Variants in ARSG observed in about 807,000 individuals in gnomAD.
ARSG encodes ASG.
Under a neutral mutation model 50.5 loss-of-function variants are expected in ARSG, and 37 were observed. The ratio of observed to expected loss-of-function variants is 0.73; its 90% CI spans 0.56 to 0.96. ARSG has a LOEUF of 0.96. Among genes scored for constraint, ARSG ranks in the 50% least tolerant of loss-of-function variants. The probability of loss-of-function intolerance (pLI) is 0.00; values close to 1 mark genes in which losing one functional copy is unlikely to be tolerated. For synonymous variants in ARSG, 225 were observed against 254.6 expected, an observed-to-expected ratio of 0.88 and a Z score of 1.11; for missense variants, 629 against 675.3, an observed-to-expected ratio of 0.93 and a Z score of 0.76.
intron 1 of ARSG, among the ~76,000 whole-genome samples, chr17:68,302,580 C>A (rs1219814903): frequency 6.6e-6 from 1 of 152,094 alleles, no homozygotes; most frequent in Non-Finnish European, 1.5e-5. Context: ...GCTTCTGGCC[C>A]ACAGCCTGCC....
intron 8 of ARSG, chr17:68,379,873 G>A (rs2080345670): frequency 2.0e-6 from 2 of 985,208 alleles, no homozygotes; most frequent in Non-Finnish European, 1.2e-6. Context: ...TCTCTGGCAG[G>A]CATTATGCAA....
At chr17:68,291,282 A>T (rs538361672), upstream of ARSG, 4 of 136,358 alleles carry the variant, frequency 2.9e-5, no homozygotes, top group African/African-American at 1.1e-4. Flanking sequence ...CGACTCGGGC[A>T]CCCGAGCCAC....
Position 68,407,235 on chromosome 17 carries a change from A to G in ARSG, c.1303+5785A>G, listed in dbSNP as rs141912133. 1.6e-3 allele frequency among the ~76,000 whole-genome samples: 250 copies of G among 152,182 alleles called. 2 individuals are homozygous for G. The highest frequency in any genetic ancestry group is 5.6e-3 in the African/African-American group (234 of 41,530). On this transcript the variant is annotated intron_variant, in intron 11 of 11. Transcript: ENST00000621439. ...TTCTGTTCCATTGGTCTATGTGCCT[A>G]TTTTTATACCAGTACTATGCTGTTT...
chr17:68,425,433 C>A (rs566389913), downstream of ARSG, among the ~76,000 whole-genome samples: 42 of 145,230 alleles, frequency 2.9e-4, 1 homozygote, highest in South Asian at 9.1e-3. Flanking sequence ...GTTGCCCAGG[C>A]TGGTCTCTAA....
At chr17:68,379,537 C>T (rs1459587144) in intron 8 of ARSG, among the ~76,000 whole-genome samples, 1 of 150,488 alleles carries the variant, frequency 6.6e-6, no homozygotes, top group East Asian at 2.0e-4. Context: ...ATCGGCCTCC[C>T]AGAGTGCTGG....
At chr17:68,355,336 A>G (rs2078982658) in intron 5 of ARSG, among the ~76,000 whole-genome samples, 1 of 152,156 alleles carries the variant, frequency 6.6e-6, no homozygotes. Context: ...ATTCATTTCA[A>G]TCTGTAAGAC....
At chr17:68,361,725 T>C (rs1485961391) in intron 6 of ARSG, among the ~76,000 whole-genome samples, 3 of 152,082 alleles carry the variant, frequency 2.0e-5, no homozygotes, top group African/African-American at 7.2e-5. Flanking sequence ...GAGATCAGCC[T>C]GGCCAACATG....
intron 2 of ARSG, 71 bp downstream of exon 2, chr17:68,307,782 G>A (rs367958816): frequency 6.5e-5 from 54 of 828,806 alleles, no homozygotes; most frequent in African/African-American, 5.1e-4. Context: ...GGAAGGGGCC[G>A]TGCAAAGCAC....
At chr17:68,417,967 T>G (rs910354210) in intron 11 of ARSG, among the ~76,000 whole-genome samples, 1 of 151,940 alleles carries the variant, frequency 6.6e-6, no homozygotes, top group African/African-American at 2.4e-5. Flanking sequence ...CCTGACCTCA[T>G]GATCCGCCTG....
chr17:68,326,099 C>T (rs1041473970), intron 2 of ARSG, among the ~76,000 whole-genome samples: 1 of 152,218 alleles, frequency 6.6e-6, no homozygotes, highest in African/African-American at 2.4e-5. Flanking sequence ...CATACCTCTG[C>T]TCTTGTGGAA....
chr17:68,436,993 C>CA, the ARSG span, among the ~76,000 whole-genome samples: 110 of 124,748 alleles, frequency 8.8e-4, 1 homozygote, highest in East Asian at 8.0e-3. Flanking sequence ...GACCCCGTCT[C>CA]AAAAAAAAAA....
At chr17:68,346,837 C>G (rs1416407486) in intron 3 of ARSG, 2 of 1,377,240 alleles carry the variant, frequency 1.5e-6, no homozygotes, top group African/African-American at 2.9e-5. Context: ...GTGGAGCCCT[C>G]TTTGAGGGGC....
intron 1 of ARSG, among the ~76,000 whole-genome samples, chr17:68,305,390 C>T (rs1406558593): frequency 6.6e-6 from 1 of 152,158 alleles, no homozygotes; most frequent in Non-Finnish European, 1.5e-5. Context: ...AGCAACTTTG[C>T]TGCTTAAAGT....
intron 1 of ARSG, among the ~76,000 whole-genome samples, chr17:68,276,284 AGG>A (rs1555750871): frequency 1.3e-5 from 2 of 151,840 alleles, no homozygotes; most frequent in Admixed American, 1.3e-4. Flanking sequence ...CCTTACCCAA[AGG>A]GTAAAAACAT....
intron 5 of ARSG, among the ~76,000 whole-genome samples, chr17:68,352,087 AG>A (rs397857561): frequency 7.9e-6 from 1 of 126,852 alleles, no homozygotes; most frequent in African/African-American, 3.0e-5. Context: ...AGAGAGACAG[AG>A]GAGAGAGAGA....
intron 2 of ARSG, among the ~76,000 whole-genome samples, chr17:68,318,234 T>G (rs1402790852): frequency 6.6e-6 from 1 of 152,242 alleles, no homozygotes; most frequent in African/African-American, 2.4e-5. Context: ...TTTCCAGCTC[T>G]TCATGCAGTC....
chr17:68,389,295 C>G (rs2080882421), intron 9 of ARSG, among the ~76,000 whole-genome samples: 1 of 152,144 alleles, frequency 6.6e-6, no homozygotes, highest in South Asian at 2.1e-4. Flanking sequence ...GGGGGGCATC[C>G]CCTGATGCTC....
chr17:68,380,102 G>A (rs974993278), intron 8 of ARSG, among the ~76,000 whole-genome samples: 2 of 152,058 alleles, frequency 1.3e-5, no homozygotes, highest in Non-Finnish European at 2.9e-5. Context: ...TGAAGACAAC[G>A]AGGATGAAGC....
At chr17:68,348,370 A>T (rs190649299) in intron 4 of ARSG, among the ~76,000 whole-genome samples, 147 of 152,308 alleles carry the variant, frequency 9.7e-4, no homozygotes, top group Non-Finnish European at 1.9e-3. Context: ...GCTCCTATGC[A>T]GCAGGAAGTG....
Sources: allele counts gnomAD v4.1 joint callset (sites outside exome capture counted in the v4.1 genomes callset), GRCh38; gene constraint gnomAD v4.1.1; transcripts MANE v1.5; gene names NCBI Gene and HGNC (gene_info 2026-07-23, HGNC 2026-07-21).